The following ROPN1B variants were observed in gnomAD, a reference collection of about 807,000 sequenced individuals.
The protein encoded by ROPN1B is rhophilin associated tail protein 1B, also known as ropporin-1B.
Under a neutral mutation model 23.7 loss-of-function variants are expected in ROPN1B, and 13 were observed. That is an observed-to-expected ratio of 0.55 (90% CI 0.36 to 0.87). The LOEUF (loss-of-function observed/expected upper bound fraction) is 0.87. Ranked by LOEUF, ROPN1B falls within the 40% of genes least tolerant of loss-of-function variation. The pLI is 0.01. For synonymous variants in ROPN1B, 67 were observed against 100.4 expected (o/e 0.67, Z 1.99); for missense variants, 183 against 249.2 (o/e 0.73, Z 1.79).
chr3:125,971,950 T>G, intron 2 of ROPN1B, 93 bp from the exon 3 acceptor site: 1 of 1,167,094 alleles, frequency 8.6e-7, no homozygotes, highest in Non-Finnish European at 1.2e-6. Flanking sequence ...CAAAATTGAG[T>G]GTCAAACAGA....
chr3:125,974,714 CCAAA>C (rs1192068094), intron 3 of ROPN1B, among the ~76,000 whole-genome samples: 2 of 152,150 alleles, frequency 1.3e-5, no homozygotes, highest in Admixed American at 6.5e-5. Context: ...CACAATGCCC[CCAAA>C]CAAAGTCCAC....
At chr3:125,973,416 CCT>C (rs1335525255) in intron 3 of ROPN1B, 1 of 178,654 alleles carries the variant, frequency 5.6e-6, no homozygotes, top group Non-Finnish European at 1.2e-5. Context: ...AGTAATAAGC[CCT>C]GTTTAGTTTT....
chr3:125,974,255 C>G (rs1412229267), intron 3 of ROPN1B, among the ~76,000 whole-genome samples: 1 of 152,170 alleles, frequency 6.6e-6, no homozygotes, highest in East Asian at 1.9e-4. Flanking sequence ...TGTCACAGTG[C>G]ACCCACACCC....
chr3:125,972,441 G>A, intron 3 of ROPN1B: 1 of 528,428 alleles, frequency 1.9e-6, no homozygotes, highest in South Asian at 3.2e-5. Flanking sequence ...CAGCAAGTTA[G>A]ATGACCGCGT....
At chr3:125,980,092 A>G (rs527285807) in intron 5 of ROPN1B, among the ~76,000 whole-genome samples, 2 of 152,326 alleles carry the variant, frequency 1.3e-5, no homozygotes, top group East Asian at 3.9e-4. Context: ...GACTTTGAAA[A>G]TGAAGCTCGC....
chr3:125,972,605 C>A, intron 3 of ROPN1B: 1 of 352,224 alleles, frequency 2.8e-6, no homozygotes, highest in Non-Finnish European at 5.2e-6. Context: ...AGGGAAGCGA[C>A]AGCCCTGGGT....
intron 5 of ROPN1B, chr3:125,977,944 A>G (rs1938482790): frequency 6.6e-6 from 1 of 152,362 alleles, no homozygotes; most frequent in Admixed American, 6.5e-5. Context: ...ATGGTATGAA[A>G]AGGTAGTCTG....
At chr3:125,971,669 CTTTTG>C (rs1938210679) in intron 2 of ROPN1B, among the ~76,000 whole-genome samples, 1 of 152,156 alleles carries the variant, frequency 6.6e-6, no homozygotes, top group South Asian at 2.1e-4. Context: ...TCATGATATA[CTTTTG>C]AGTAAATAAG....
chr3:125,976,356 G>A (rs1011917303), intron 4 of ROPN1B, among the ~76,000 whole-genome samples: 3 of 152,168 alleles, frequency 2.0e-5, no homozygotes, highest in Admixed American at 6.5e-5. Flanking sequence ...GCACTTCATC[G>A]GGCATCTGTG....
chr3:125,978,955 C>T (rs548348586), intron 5 of ROPN1B, among the ~76,000 whole-genome samples: 35 of 152,328 alleles, frequency 2.3e-4, no homozygotes, highest in African/African-American at 7.9e-4. Context: ...GCCTCCCAAA[C>T]TAGAGAGGGG....
At position 125,975,472 on chromosome 3, in the gene ROPN1B, C is replaced by A; in HGVS notation, c.117-91C>A. On this transcript the variant is annotated intron_variant, in intron 3 of 6. Transcript: ENST00000514116. ...TTACAAAGGTTCCTTTCTCTACCTC[C>A]TTCCCTCAGAAGAAGGGGGAAGGAT... 8 of 1,340,066 alleles carry A rather than the reference C, an allele frequency of 6.0e-6. No individual in the cohort carries two copies. The South Asian group carries it at 9.2e-5, about 15-fold the overall frequency. 83.0% of individuals were successfully genotyped at this position (1,340,066 alleles called of 1,614,324 possible). A position where few individuals can be genotyped will look rare whatever the true frequency, so the allele number is the denominator to read the frequency against.
At chr3:125,982,581 AAAGGAGAAAGGG>A in intron 6 of ROPN1B, 136 bp downstream of exon 6, 1 of 704,696 alleles carries the variant, frequency 1.4e-6, no homozygotes, top group Non-Finnish European at 2.2e-6. Context: ...ATCTGAAAGA[AAAGGAGAAAGGG>A]AAGGAGAAGA....
In ROPN1B at chr3:125,982,305, C is replaced by A; in HGVS notation, c.432C>A (p.Val144=). ...ITKTLKIVCE[V]LSCDHNGGLP... ...AAACTCTCAAGATAGTGTGTGAGGT[C>A]TTATCATGTGACCACAATGGTGGGT... The change falls in exon 6 of 7, where the codon GTC becomes GTA. Residue 144 remains valine, a synonymous_variant. Coordinates refer to ENST00000514116, the MANE Select transcript of ROPN1B (RefSeq NM_001308313.2). The A allele has an allele frequency of 1.2e-6, 2 of 1,612,772 alleles. No individual in the cohort carries two copies. The highest frequency in any genetic ancestry group is 1.7e-6 in the Non-Finnish European group (2 of 1,179,466).
intron 5 of ROPN1B, chr3:125,977,927 A>C (rs969360426): frequency 2.0e-5 from 3 of 152,396 alleles, no homozygotes; most frequent in African/African-American, 7.2e-5. Flanking sequence ...GCCTCTGCCA[A>C]AAACAAATGG....
At chr3:125,978,599 C>A (rs1938505332) in intron 5 of ROPN1B, among the ~76,000 whole-genome samples, 2 of 152,226 alleles carry the variant, frequency 1.3e-5, no homozygotes, top group South Asian at 4.1e-4. Flanking sequence ...TCTTCTCTGG[C>A]ATCTCTGGTC....
chr3:125,973,259 C>T (rs143808486), intron 3 of ROPN1B: 2 of 343,566 alleles, frequency 5.8e-6, no homozygotes, highest in Non-Finnish European at 1.1e-5. Context: ...TTTGAGAAGA[C>T]ACAAAATGGC....
At chr3:125,972,649 CT>C (rs1938260259) in intron 3 of ROPN1B, 1 of 376,416 alleles carries the variant, frequency 2.7e-6, no homozygotes, top group African/African-American at 2.1e-5. Flanking sequence ...TAGTTCACTC[CT>C]TTAAGGAGAC....
chr3:125,971,654 G>A (rs1938209579), intron 2 of ROPN1B, among the ~76,000 whole-genome samples: 1 of 152,222 alleles, frequency 6.6e-6, no homozygotes, highest in Non-Finnish European at 1.5e-5. Context: ...GACATGCAAA[G>A]ATGTTCATGA....
intron 3 of ROPN1B, 152 bp downstream of exon 3, chr3:125,972,322 A>C: frequency 1.4e-6 from 1 of 701,820 alleles, no homozygotes. Context: ...GATGCTTTAA[A>C]ATCCACACAT....
Sources: allele counts gnomAD v4.1 joint callset (sites outside exome capture counted in the v4.1 genomes callset), GRCh38; gene constraint gnomAD v4.1.1; transcripts MANE v1.5; gene names NCBI Gene and HGNC (gene_info 2026-07-23, HGNC 2026-07-21).